BCR: variants seen among roughly 807,000 people sequenced by gnomAD.
BCR encodes BCR activator of RhoGEF and GTPase.
BCR carries 58 observed loss-of-function variants against 138.6 expected under a neutral mutation model. The ratio of observed to expected loss-of-function variants is 0.42; its 90% CI spans 0.34 to 0.52. BCR has a LOEUF of 0.52. Ranked by LOEUF, BCR falls within the 20% of genes least tolerant of loss-of-function variation. The pLI, the probability that BCR is intolerant of heterozygous loss-of-function variation, is 0.06. For missense variants in BCR, 1,599 were observed against 1,727.2 expected (o/e 0.93, Z 1.32); for synonymous variants, 786 against 730.1 (o/e 1.08, Z -1.23).
chr22:23,213,320 C>T (rs1164710208), intron 1 of BCR, among the ~76,000 whole-genome samples: 2 of 152,210 alleles, frequency 1.3e-5, no homozygotes, highest in Non-Finnish European at 2.9e-5. Context: ...CTCCTGAGTC[C>T]TGGGGGCCCT....
At position 23,203,965 on chromosome 22, in the gene BCR, C is replaced by T. The variant is rs542365132; in HGVS notation, c.1279+21726C>T. ...CTGCACTTGGCTGGCAGAAGCTGGG[C>T]TGGGACGGGAGGACAAACACCTCCC... On this transcript the variant is annotated intron_variant, in intron 1 of 22. Coordinates refer to ENST00000305877, the MANE Select transcript of BCR (RefSeq NM_004327.4). Among the ~76,000 whole-genome samples, 8 of 152,254 alleles carry T rather than the reference C, an allele frequency of 5.3e-5. No individual in the cohort carries two copies. In the South Asian group the frequency reaches 1.2e-3, roughly 24 times the overall value.
intron 1 of BCR, among the ~76,000 whole-genome samples, chr22:23,232,615 A>G (rs371104710): frequency 6.6e-6 from 1 of 152,150 alleles, no homozygotes; most frequent in Non-Finnish European, 1.5e-5. Context: ...AACAGAGCCT[A>G]TTGCAGATCC....
chr22:23,219,256 C>A (rs979426768), intron 1 of BCR, among the ~76,000 whole-genome samples: 1 of 152,198 alleles, frequency 6.6e-6, no homozygotes, highest in African/African-American at 2.4e-5. Flanking sequence ...TCCAGTGAGT[C>A]GGTGAAAGCT....
chr22:23,293,784 C>T (rs2073815764), intron 15 of BCR, among the ~76,000 whole-genome samples: 1 of 152,136 alleles, frequency 6.6e-6, no homozygotes, highest in African/African-American at 2.4e-5. Flanking sequence ...GGGACACTCA[C>T]ATGTTCCTGG....
intron 1 of BCR, among the ~76,000 whole-genome samples, chr22:23,213,656 C>T (rs2072713584): frequency 6.6e-6 from 1 of 151,952 alleles, no homozygotes; most frequent in Non-Finnish European, 1.5e-5. Context: ...GAGCTCGTCT[C>T]TCCAAAAAAA....
At chr22:23,243,249 G>GAA (rs1187007257) in intron 1 of BCR, among the ~76,000 whole-genome samples, 6 of 152,108 alleles carry the variant, frequency 3.9e-5, no homozygotes, top group African/African-American at 1.4e-4. Context: ...GGGGCTGGTT[G>GAA]CCAGAGGAAC....
At position 23,180,821 on chromosome 22, in the gene BCR, G is replaced by GCCAC; in HGVS notation, c.-139_-138insCACC. On this transcript the variant is annotated 5_prime_UTR_variant, in exon 1 of 23. Transcript: ENST00000305877. The stretch of plus-strand genomic sequence containing the variant: ...CGCCTCACCTGCCACCAGGGAGTGG[G>GCCAC]CGGGCATTGTTCGCCGCCGCCGCCG... 1 of 328,058 alleles carries GCCAC rather than the reference G, an allele frequency of 3.0e-6. No individual in the cohort carries two copies. Among genetic ancestry groups the GCCAC allele is most frequent in the Non-Finnish European group, 4.3e-6 (1 of 232,704 alleles). 20.3% of individuals were successfully genotyped at this position (328,058 alleles called of 1,614,324 possible).
At chr22:23,279,665 G>A (rs977868587) in intron 8 of BCR, among the ~76,000 whole-genome samples, 3 of 152,224 alleles carry the variant, frequency 2.0e-5, no homozygotes, top group Admixed American at 1.3e-4. Flanking sequence ...GCTGCTATGT[G>A]GGCTTCTTTG....
At chr22:23,251,372 C>T (rs1489346115) in intron 1 of BCR, 2 of 151,346 alleles carry the variant, frequency 1.3e-5, no homozygotes, top group Non-Finnish European at 3.0e-5. Context: ...CCGGTGAAAT[C>T]GTTTTCAAAG....
intron 14 of BCR, among the ~76,000 whole-genome samples, chr22:23,291,365 T>G (rs921199469): frequency 6.6e-6 from 1 of 151,992 alleles, no homozygotes; most frequent in Non-Finnish European, 1.5e-5. Context: ...ACTGTGGTGC[T>G]GTTTGCGCTC....
chr22:23,184,805 G>A lies in BCR; in HGVS notation c.1279+2566G>A, dbSNP rs2072319274. Among the ~76,000 whole-genome samples, 3 of 152,128 alleles carry A rather than the reference G, an allele frequency of 2.0e-5. No individual in the cohort carries two copies. In the South Asian group the frequency reaches 6.2e-4, roughly 32 times the overall value. On this transcript the variant is annotated intron_variant, in intron 1 of 22. Transcript: ENST00000305877. ...CGTGGGTCCATGTATGGCAGGCATG[G>A]AAAGAGGAATCCTCACTGGCTCAGC...
intron 8 of BCR, among the ~76,000 whole-genome samples, chr22:23,278,783 A>G (rs1277368599): frequency 6.6e-6 from 1 of 152,170 alleles, no homozygotes; most frequent in African/African-American, 2.4e-5. Context: ...CTGTTGGCAA[A>G]GTTTGCAAGG....
rs775101020 is a variant in BCR, at chr22:23,261,395, C to T, written c.1607C>T (p.Pro536Leu). Residue 536 changes from proline to leucine, a missense_variant, in exon 4 of 23, where the codon CCG becomes CTG. Pro to Leu is a moderately conservative substitution (Grantham distance 98). Transcript: ENST00000305877. ...PLKAAATTSQ[P>L]VLTSQQIETI... ...AAAGCCGCTGCCACCACCTCTCAGC[C>T]GGTGCTGACGAGTCAGCAGATCGAG... 9 of 1,613,608 alleles carry T rather than the reference C, an allele frequency of 5.6e-6. No homozygotes were observed. The highest frequency in any genetic ancestry group is 5.1e-6 in the Non-Finnish European group (6 of 1,179,932).
chr22:23,290,598 C>G, intron 14 of BCR, 185 bp downstream of exon 14: 1 of 628,888 alleles, frequency 1.6e-6, no homozygotes, highest in Non-Finnish European at 2.8e-6. Context: ...TTGTTTTTCC[C>G]GGAGTGGCCT....
chr22:23,314,697 T>C lies in BCR; in HGVS notation c.3709T>C (p.Leu1237=). 6.2e-7 allele frequency: 1 copy of C among 1,611,736 alleles called. No homozygotes were observed. The highest frequency in any genetic ancestry group is 8.5e-7 in the Non-Finnish European group (1 of 1,179,838). Residue 1237 remains leucine (L), a synonymous_variant, in exon 22 of 23, where the codon TTG becomes CTG. Transcript: ENST00000305877. ...TATCACCATGACTGACAGCTGGTCC[T>C]TGGAGGTCATGTCCCAGGTATGGGA... ...QPITMTDSWS[L]EVMSQVQVLL...
intron 1 of BCR, among the ~76,000 whole-genome samples, chr22:23,222,556 A>G (rs1372627545): frequency 6.6e-6 from 1 of 152,120 alleles, no homozygotes; most frequent in Non-Finnish European, 1.5e-5. Context: ...AGAGAAGGCT[A>G]AGAGAGGGTG....
In BCR at chr22:23,287,289, G is replaced by C. The variant is rs5759680; in HGVS notation, c.2526+11G>C. On this transcript the variant is annotated intron_variant, in intron 11 of 22. Transcript: ENST00000305877. ...AGCCGCAACGGCAAGGTGAGCGCCT[G>C]CTGTTCCGGCCCCTCCTGCTCTCCT... The C allele has an allele frequency of 0.056, 85,088 of 1,530,474 alleles. 2,951 individuals are homozygous for C. The highest frequency in any genetic ancestry group is 0.16 in the African/African-American group (11,385 of 72,898). The allele number at this position is 1,530,474 out of a possible 1,614,324, so 94.8% of individuals were successfully genotyped here.
At chr22:23,255,014 G>A (rs202053782) in intron 2 of BCR, among the ~76,000 whole-genome samples, 1 of 151,882 alleles carries the variant, frequency 6.6e-6, no homozygotes, top group East Asian at 1.9e-4. Flanking sequence ...GGGCAACAGA[G>A]CAAGACCCTA....
chr22:23,246,998 G>A (rs1251862029), intron 1 of BCR, among the ~76,000 whole-genome samples: 2 of 152,212 alleles, frequency 1.3e-5, no homozygotes, highest in African/African-American at 4.8e-5. Context: ...AGCCAGCTCC[G>A]ACTGTGGACT....
Sources: allele counts gnomAD v4.1 joint callset (sites outside exome capture counted in the v4.1 genomes callset), GRCh38; gene constraint gnomAD v4.1.1; transcripts MANE v1.5; gene names NCBI Gene and HGNC (gene_info 2026-07-23, HGNC 2026-07-21).